LRRC2: variants seen among roughly 807,000 people sequenced by gnomAD.
The protein encoded by LRRC2 is leucine rich repeat containing 2.
LRRC2 carries 27 observed loss-of-function variants against 40.2 expected under a neutral mutation model. The ratio of observed to expected loss-of-function variants is 0.67; its 90% CI spans 0.49 to 0.93. The LOEUF (loss-of-function observed/expected upper bound fraction) is 0.93, where lower values mean the gene tolerates loss of function less well. Ranked by LOEUF, LRRC2 falls within the 40% of genes least tolerant of loss-of-function variation. The pLI is 0.00. For missense variants in LRRC2, 402 were observed against 439.6 expected (o/e 0.91, Z 0.76); for synonymous variants, 147 against 158.9 (o/e 0.92, Z 0.56).
At chr3:46,554,745 T>G (rs1258175799) in intron 1 of LRRC2, among the ~76,000 whole-genome samples, 2 of 152,196 alleles carry the variant, frequency 1.3e-5, no homozygotes, top group Non-Finnish European at 2.9e-5. Flanking sequence ...TGTTGTCTTA[T>G]CCTTGGTAAA....
At chr3:46,548,351 T>A (rs1255504829) in intron 2 of LRRC2, among the ~76,000 whole-genome samples, 1 of 152,226 alleles carries the variant, frequency 6.6e-6, no homozygotes, top group African/African-American at 2.4e-5. Context: ...AAATATTTTA[T>A]GTCTGATTCC....
chr3:46,521,443 T>C (rs1559407553), intron 8 of LRRC2, 79 bp downstream of exon 8: 2 of 1,183,062 alleles, frequency 1.7e-6, no homozygotes, highest in Non-Finnish European at 2.3e-6. Flanking sequence ...TTTGTCAATT[T>C]GACTTCTATT....
intron 1 of LRRC2, among the ~76,000 whole-genome samples, chr3:46,557,239 T>C (rs1704825581): frequency 6.6e-6 from 1 of 152,224 alleles, no homozygotes; most frequent in African/African-American, 2.4e-5. Flanking sequence ...CATTACCTTG[T>C]GGAAGTCCCT....
rs1399762649 is a variant in LRRC2 at position 46,551,537 on chromosome 3, T to C, written c.55A>G (p.Thr19Ala). The stretch of plus-strand genomic sequence containing the variant: ...CAAGCTTTGTGCTTCTTGACACGAG[T>C]TTCCCACAAGGCTCTGATGACAGAA... ...DISVIRALWE[T>A]RVKKHKAWQK... The change falls in exon 2 of 9, where the codon ACT (threonine) becomes GCT (alanine). Residue 19 changes from threonine to alanine, a missense_variant. By Grantham distance (58) the Thr-to-Ala change is moderately conservative. Transcript: ENST00000395905. 1.9e-6 allele frequency: 3 copies of C among 1,613,984 alleles called. No homozygotes were observed. Among genetic ancestry groups the C allele is most frequent in the Middle Eastern group, 1.6e-4 (1 of 6,084 alleles).
intron 7 of LRRC2, among the ~76,000 whole-genome samples, chr3:46,523,684 TATCCACCCATCC>T (rs1366442195): frequency 9.9e-5 from 15 of 151,994 alleles, no homozygotes; most frequent in Admixed American, 6.6e-4. Context: ...TCCACCCATC[TATCCACCCATCC>T]ATCCACCCAT....
chr3:46,541,324 C>T (rs1704385702), intron 3 of LRRC2, among the ~76,000 whole-genome samples: 1 of 142,264 alleles, frequency 7.0e-6, no homozygotes, highest in Non-Finnish European at 1.5e-5. Context: ...CAGAGCGAGA[C>T]TCCGTCTCAA....
chr3:46,532,729 A>G, intron 5 of LRRC2, 44 bp downstream of exon 5: 4 of 1,594,050 alleles, frequency 2.5e-6, no homozygotes, highest in Non-Finnish European at 3.4e-6. Flanking sequence ...TATGTCATAA[A>G]CCAAATAAAA....
Position 46,516,685 on chromosome 3 carries a change from G to A in LRRC2, c.*2329C>T, listed in dbSNP as rs899509954. ...CCAGCCTGGGCCTTGAACATTCCTA[G>A]GCACTGATAACGGTGCTTAGGTTGT... On this transcript the variant is annotated 3_prime_UTR_variant, in exon 9 of 9. Coordinates refer to ENST00000395905, the MANE Select transcript of LRRC2 (RefSeq NM_024512.5). 7 of 152,362 alleles carry A rather than the reference G, an allele frequency of 4.6e-5. No individual in the cohort carries two copies. Among genetic ancestry groups the A allele is most frequent in the South Asian group, 2.1e-4 (1 of 4,818 alleles). 9.4% of individuals were successfully genotyped at this position (152,362 alleles called of 1,614,324 possible).
chr3:46,562,917 G>T (rs1183437717), intron 1 of LRRC2, among the ~76,000 whole-genome samples: 1 of 151,922 alleles, frequency 6.6e-6, no homozygotes. Context: ...GTAGAGATAG[G>T]GTTTCACCAT....
At chr3:46,562,508 AT>A (rs1704966570) in intron 1 of LRRC2, among the ~76,000 whole-genome samples, 1 of 152,190 alleles carries the variant, frequency 6.6e-6, no homozygotes, top group African/African-American at 2.4e-5. Flanking sequence ...AAGACAGTGG[AT>A]TTTTATAAAA....
intron 3 of LRRC2, among the ~76,000 whole-genome samples, chr3:46,543,044 C>T (rs1167262033): frequency 6.6e-6 from 1 of 152,218 alleles, no homozygotes; most frequent in Non-Finnish European, 1.5e-5. Flanking sequence ...TTAACACACA[C>T]AGCCTTTCAC....
chr3:46,545,117 T>C lies in LRRC2; in HGVS notation c.262A>G (p.Ser88Gly), dbSNP rs1471646334. 5 of 1,614,160 alleles carry C rather than the reference T, an allele frequency of 3.1e-6. No individual in the cohort carries two copies. The highest frequency in any genetic ancestry group is 1.3e-5 in the African/African-American group (1 of 75,062). ...KIERNTLTRQ[S>G]SLPKDRGKRS... ...TTGCCTCTGTCCTTGGGAAGTGAAC[T>C]CTGCCTTGTGAGAGTGTTCCTTTCA... Residue 88 changes from serine (S) to glycine (G), a missense_variant, in exon 3 of 9, where the codon AGT (serine) becomes GGT (glycine). Physicochemically the swap from Ser to Gly is moderately conservative, Grantham distance 56. Coordinates refer to ENST00000395905, the MANE Select transcript of LRRC2 (RefSeq NM_024512.5).
At position 46,515,567 on chromosome 3, in the gene LRRC2, G is replaced by A. The variant is rs908577835; in HGVS notation, c.*3447C>T. 1.3e-5 allele frequency: 2 copies of A among 152,002 alleles called. No homozygotes were observed. The highest frequency in any genetic ancestry group is 2.9e-5 in the Non-Finnish European group (2 of 68,004). The allele number at this position is 152,002 out of a possible 1,614,324, so 9.4% of individuals were successfully genotyped here. On this transcript the variant is annotated 3_prime_UTR_variant, in exon 9 of 9. Transcript: ENST00000395905. ...TTGGAATCTTTCTGCACATTTATAT[G>A]AATAAATTAAATAGTATCTCTACAA...
At chr3:46,551,750 G>GA in intron 1 of LRRC2, 140 bp from the exon 2 acceptor site, 1 of 153,042 alleles carries the variant, frequency 6.5e-6, no homozygotes, top group Non-Finnish European at 1.0e-5. Flanking sequence ...ATGACAGTTT[G>GA]CTTTTTTTTT....
intron 7 of LRRC2, among the ~76,000 whole-genome samples, chr3:46,525,378 G>A (rs1026721604): frequency 1.3e-5 from 2 of 151,554 alleles, no homozygotes; most frequent in African/African-American, 4.8e-5. Context: ...AGCCTCCCAA[G>A]TACCTAGGAC....
chr3:46,555,583 C>G (rs886666803), intron 1 of LRRC2, among the ~76,000 whole-genome samples: 2 of 152,002 alleles, frequency 1.3e-5, no homozygotes, highest in African/African-American at 4.8e-5. Context: ...TTTTCATAGT[C>G]CACTTAGAAA....
At chr3:46,529,335 G>A (rs1490650372) in intron 6 of LRRC2, among the ~76,000 whole-genome samples, 1 of 152,138 alleles carries the variant, frequency 6.6e-6, no homozygotes, top group African/African-American at 2.4e-5. Flanking sequence ...CCAGAACTTT[G>A]AGAGGCCAAG....
chr3:46,524,105 AAAT>A (rs986587595), intron 7 of LRRC2, among the ~76,000 whole-genome samples: 2 of 152,186 alleles, frequency 1.3e-5, no homozygotes, highest in Non-Finnish European at 2.9e-5. Context: ...GAAAATCAAT[AAAT>A]AATATTTACG....
chr3:46,550,222 C>G (rs1293956552), intron 2 of LRRC2, among the ~76,000 whole-genome samples: 1 of 152,112 alleles, frequency 6.6e-6, no homozygotes, highest in Non-Finnish European at 1.5e-5. Context: ...ACTTCCTCAT[C>G]TGCAAATTAG....
Sources: gnomAD v4.1 joint callset for allele counts (sites outside exome capture counted in the v4.1 genomes callset) on GRCh38, gnomAD v4.1.1 for gene constraint, MANE v1.5 for transcripts, NCBI Gene and HGNC (gene_info 2026-07-23, HGNC 2026-07-21) for gene names.